Variants in NBAS observed in about 807,000 individuals in gnomAD.
The protein encoded by NBAS is NAG/BC035112 fusion.
In NBAS, 219 loss-of-function variants were observed where a neutral mutation model predicts 302.5. The observed-to-expected ratio is 0.72, with a 90% CI of 0.65 to 0.81. The LOEUF is 0.81. Among genes scored for constraint, NBAS ranks in the 30% least tolerant of loss-of-function variants. The pLI is 0.00. For missense variants in NBAS, 2,932 were observed against 2,841.6 expected (o/e 1.03, Z -0.72); for synonymous variants, 1,118 against 1,021.6 (o/e 1.09, Z -1.80).
chr2:14,924,318 G>C, the NBAS span, among the ~76,000 whole-genome samples: 1 of 152,282 alleles, frequency 6.6e-6, no homozygotes, highest in Non-Finnish European at 1.5e-5. Context: ...ATATGTAATG[G>C]ACTAGTTGGT....
intron 51 of NBAS, among the ~76,000 whole-genome samples, chr2:15,173,017 C>A (rs1572392909): frequency 2.0e-5 from 3 of 152,210 alleles, no homozygotes; most frequent in Middle Eastern, 3.4e-3. Context: ...AGTGCAGAGT[C>A]CAGGTTCAGT....
chr2:15,238,345 G>A (rs1667700407), intron 45 of NBAS, 123 bp downstream of exon 45: 13 of 924,430 alleles, frequency 1.4e-5, no homozygotes, highest in South Asian at 4.7e-5. Context: ...AAAGGCTTGC[G>A]GACAATTTTC....
the NBAS span, among the ~76,000 whole-genome samples, chr2:15,098,354 G>C: frequency 8.1e-4 from 5 of 6,196 alleles, no homozygotes; most frequent in African/African-American, 2.5e-3. Flanking sequence ...TATAATATAT[G>C]ATATATTGTA....
At chr2:15,259,157 CT>C (rs1252302244) in intron 44 of NBAS, among the ~76,000 whole-genome samples, 7 of 152,120 alleles carry the variant, frequency 4.6e-5, no homozygotes, top group Non-Finnish European at 1.0e-4. Flanking sequence ...TAAAAAAACC[CT>C]TGAAACCCTA....
chr2:15,379,836 A>G lies in NBAS; in HGVS notation c.3361-5T>C, dbSNP rs748887185. On this transcript the variant is annotated splice_region_variant and splice_polypyrimidine_tract_variant and intron_variant, in intron 29 of 51. Coordinates refer to ENST00000281513, the MANE Select transcript of NBAS (RefSeq NM_015909.4). ...CAGAAGGCTTTCTGTAAATATCTGG[A>G]AAAAAGGAGAAACTGGAATTAGTTA... 6 of 1,609,182 alleles carry G rather than the reference A, an allele frequency of 3.7e-6. No individual in the cohort carries two copies. Among genetic ancestry groups the G allele is most frequent in the African/African-American group, 2.7e-5 (2 of 74,818 alleles).
intron 38 of NBAS, among the ~76,000 whole-genome samples, chr2:15,318,105 A>G (rs1671604128): frequency 6.6e-6 from 1 of 152,348 alleles, no homozygotes; most frequent in Non-Finnish European, 1.5e-5. Context: ...AACATTCTCA[A>G]AGAAAAGAAT....
At chr2:15,489,964 T>C (rs2148613872) in intron 11 of NBAS, among the ~76,000 whole-genome samples, 1 of 152,200 alleles carries the variant, frequency 6.6e-6, no homozygotes, top group East Asian at 1.9e-4. Context: ...CTTCTGAACA[T>C]TTAGAAAATC....
intron 21 of NBAS, among the ~76,000 whole-genome samples, chr2:15,435,342 T>C (rs1677959208): frequency 1.3e-5 from 2 of 152,234 alleles, no homozygotes; most frequent in South Asian, 4.1e-4. Flanking sequence ...TTCTTGCCTC[T>C]AAACTGTGCT....
At chr2:15,351,393 A>G (rs1397957052) in intron 35 of NBAS, among the ~76,000 whole-genome samples, 1 of 152,116 alleles carries the variant, frequency 6.6e-6, no homozygotes, top group Non-Finnish European at 1.5e-5. Context: ...TGAAATACGG[A>G]AGGCCAGGCA....
At chr2:15,008,439 G>A in the NBAS span, among the ~76,000 whole-genome samples, 1 of 152,196 alleles carries the variant, frequency 6.6e-6, no homozygotes, top group Non-Finnish European at 1.5e-5. Context: ...CTCACTCCAA[G>A]TGGCCTCTCC....
chr2:15,143,220 A>T, the NBAS span, among the ~76,000 whole-genome samples: 1 of 152,034 alleles, frequency 6.6e-6, no homozygotes, highest in Non-Finnish European at 1.5e-5. Flanking sequence ...CTCACAAACA[A>T]CCCTGTGAAA....
intron 9 of NBAS, among the ~76,000 whole-genome samples, chr2:15,532,666 T>C (rs1013646070): frequency 6.6e-6 from 1 of 152,000 alleles, no homozygotes; most frequent in African/African-American, 2.4e-5. Flanking sequence ...AGAAGTACAA[T>C]GTAAGCTTTT....
the NBAS span, among the ~76,000 whole-genome samples, chr2:15,003,476 G>C: frequency 1.3e-5 from 2 of 152,250 alleles, no homozygotes; most frequent in East Asian, 3.9e-4. Context: ...GAAGACAGAA[G>C]AACAAATTCA....
chr2:15,234,067 T>C (rs1667487855), intron 46 of NBAS, among the ~76,000 whole-genome samples: 1 of 152,208 alleles, frequency 6.6e-6, no homozygotes, highest in South Asian at 2.1e-4. Context: ...ATGCCATTAA[T>C]TGCAGGTAAA....
chr2:15,204,569 T>A (rs1161510753), intron 48 of NBAS, among the ~76,000 whole-genome samples: 1 of 152,122 alleles, frequency 6.6e-6, no homozygotes, highest in Non-Finnish European at 1.5e-5. Flanking sequence ...ACGTATGTTT[T>A]TGCGGCACTA....
chr2:15,068,117 G>A, the NBAS span, among the ~76,000 whole-genome samples: 1 of 152,230 alleles, frequency 6.6e-6, no homozygotes, highest in Admixed American at 6.5e-5. Flanking sequence ...TTGGGATTAA[G>A]TGAAACCTGG....
intron 47 of NBAS, among the ~76,000 whole-genome samples, chr2:15,226,303 T>A (rs1667149855): frequency 6.6e-6 from 1 of 152,230 alleles, no homozygotes; most frequent in African/African-American, 2.4e-5. Flanking sequence ...TTTGTTTCCT[T>A]GTTTTTAAAA....
the NBAS span, among the ~76,000 whole-genome samples, chr2:15,060,688 AC>A: frequency 6.6e-6 from 1 of 152,094 alleles, no homozygotes; most frequent in Non-Finnish European, 1.5e-5. Flanking sequence ...TCCTAGATCT[AC>A]TACTTTCTCG....
chr2:15,414,505 T>G (rs1676825854), intron 25 of NBAS, among the ~76,000 whole-genome samples: 1 of 152,142 alleles, frequency 6.6e-6, no homozygotes, highest in African/African-American at 2.4e-5. Flanking sequence ...ATGGCTAAAT[T>G]TTTAGGTTTC....
Sources: allele counts gnomAD v4.1 joint callset (sites outside exome capture counted in the v4.1 genomes callset), GRCh38; gene constraint gnomAD v4.1.1; transcripts MANE v1.5; gene names NCBI Gene and HGNC (gene_info 2026-07-23, HGNC 2026-07-21).